The following PAK5 variants were observed in gnomAD, a reference collection of about 807,000 sequenced individuals.
PAK5 encodes serine/threonine-protein kinase PAK 5.
Under a neutral mutation model 65.9 loss-of-function variants are expected in PAK5, and 16 were observed. That is an observed-to-expected ratio of 0.24 (90% CI 0.16 to 0.37). The LOEUF (loss-of-function observed/expected upper bound fraction) is 0.37, where lower values mean the gene tolerates loss of function less well. Among genes scored for constraint, PAK5 ranks in the 10% least tolerant of loss-of-function variants. The probability of loss-of-function intolerance (pLI) is 1.00; values close to 1 mark genes in which losing one functional copy is unlikely to be tolerated. For synonymous variants in PAK5, 371 were observed against 354.9 expected, an observed-to-expected ratio of 1.05 and a Z score of -0.51; for missense variants, 785 against 903.9, an observed-to-expected ratio of 0.87 and a Z score of 1.69.
intron 2 of PAK5, among the ~76,000 whole-genome samples, chr20:9,645,588 C>CTTTTT (rs767530143): frequency 2.1e-5 from 3 of 144,806 alleles, no homozygotes; most frequent in African/African-American, 7.6e-5. Flanking sequence ...TCCTACACTT[C>CTTTTT]TTTTTTTTTT....
chr20:9,539,697 C>A, intron 9 of PAK5, 80 bp from the exon 10 acceptor site: 1 of 1,124,652 alleles, frequency 8.9e-7, no homozygotes. Context: ...CCCATTCATC[C>A]TATCAACAAC....
At chr20:9,610,088 T>C (rs1210489540) in intron 3 of PAK5, among the ~76,000 whole-genome samples, 1 of 152,098 alleles carries the variant, frequency 6.6e-6, no homozygotes, top group Non-Finnish European at 1.5e-5. Context: ...GGTGTGAAGA[T>C]AGATAAAAGC....
chr20:9,773,671 C>T (rs370016541), intron 1 of PAK5, among the ~76,000 whole-genome samples: 2 of 152,270 alleles, frequency 1.3e-5, no homozygotes, highest in East Asian at 1.9e-4. Context: ...AAGTCAAGTC[C>T]GTAGGCATCA....
At chr20:9,661,129 T>C (rs865969078) in intron 2 of PAK5, among the ~76,000 whole-genome samples, 11 of 152,260 alleles carry the variant, frequency 7.2e-5, no homozygotes, top group Middle Eastern at 3.4e-3. Context: ...TTTTTTTCTC[T>C]GAGTGGAATG....
At chr20:9,806,704 T>C (rs1015763192) in intron 1 of PAK5, among the ~76,000 whole-genome samples, 1 of 152,196 alleles carries the variant, frequency 6.6e-6, no homozygotes, top group Non-Finnish European at 1.5e-5. Context: ...ATCCATTAAA[T>C]GAGCCACAGA....
chr20:9,623,235 G>A (rs991985400), intron 3 of PAK5, among the ~76,000 whole-genome samples: 1 of 152,026 alleles, frequency 6.6e-6, no homozygotes, highest in Non-Finnish European at 1.5e-5. Context: ...TATTATTGGG[G>A]GAGTGAGTTG....
At chr20:9,716,013 T>C (rs1016928286) in intron 1 of PAK5, among the ~76,000 whole-genome samples, 1 of 152,118 alleles carries the variant, frequency 6.6e-6, no homozygotes, top group Non-Finnish European at 1.5e-5. Context: ...ACCTGCACAT[T>C]GTGCAGATGT....
chr20:9,802,728 A>G (rs1295822167), intron 1 of PAK5, among the ~76,000 whole-genome samples: 2 of 151,614 alleles, frequency 1.3e-5, no homozygotes, highest in African/African-American at 4.8e-5. Flanking sequence ...TGGGAAAGTT[A>G]GGAGATGTGA....
intron 1 of PAK5, among the ~76,000 whole-genome samples, chr20:9,732,132 C>G (rs959169462): frequency 6.6e-6 from 1 of 152,042 alleles, no homozygotes; most frequent in Non-Finnish European, 1.5e-5. Context: ...TGTAAAACTT[C>G]TAGCCAAAAA....
chr20:9,592,407 AC>A (rs1372981870), intron 3 of PAK5, among the ~76,000 whole-genome samples: 1 of 152,168 alleles, frequency 6.6e-6, no homozygotes, highest in Non-Finnish European at 1.5e-5. Flanking sequence ...AGTACTAGTT[AC>A]CCCTAGGGGA....
At chr20:9,549,435 T>G (rs541303470) in intron 7 of PAK5, among the ~76,000 whole-genome samples, 10 of 152,250 alleles carry the variant, frequency 6.6e-5, no homozygotes, top group African/African-American at 2.4e-4. Context: ...GATTACCATT[T>G]TTAATGAGGT....
intron 1 of PAK5, among the ~76,000 whole-genome samples, chr20:9,738,591 T>C (rs2048417094): frequency 6.6e-6 from 1 of 152,166 alleles, no homozygotes; most frequent in African/African-American, 2.4e-5. Context: ...ATTTCATTTA[T>C]ATAAAATTCT....
chr20:9,704,337 G>A (rs781571548), intron 2 of PAK5, among the ~76,000 whole-genome samples: 14 of 152,034 alleles, frequency 9.2e-5, no homozygotes, highest in Non-Finnish European at 1.3e-4. Flanking sequence ...TTTTCTTTCC[G>A]CAGGTCAAAA....
chr20:9,676,048 A>T (rs6118696), intron 2 of PAK5, among the ~76,000 whole-genome samples: 1 of 152,144 alleles, frequency 6.6e-6, no homozygotes, highest in Admixed American at 6.6e-5. Flanking sequence ...AGAGTTGCAC[A>T]TGGCTGGGGA....
At chr20:9,625,030 A>G (rs947608236) in intron 3 of PAK5, among the ~76,000 whole-genome samples, 4 of 152,176 alleles carry the variant, frequency 2.6e-5, no homozygotes, top group African/African-American at 9.7e-5. Flanking sequence ...GCCATTCATG[A>G]AGGTTAAAAA....
At chr20:9,814,233 TC>T (rs746933916) in intron 1 of PAK5, among the ~76,000 whole-genome samples, 1 of 152,156 alleles carries the variant, frequency 6.6e-6, no homozygotes, top group African/African-American at 2.4e-5. Flanking sequence ...TTTATTTAGA[TC>T]CAAAGTGAGG....
intron 1 of PAK5, among the ~76,000 whole-genome samples, chr20:9,739,245 A>G (rs991706696): frequency 7.5e-6 from 1 of 134,060 alleles, no homozygotes; most frequent in Non-Finnish European, 1.7e-5. Context: ...TTTTTTTTAA[A>G]TCACAGCTTG....
intron 3 of PAK5, among the ~76,000 whole-genome samples, chr20:9,615,335 C>T (rs219859): frequency 0.38 from 58,120 of 152,026 alleles, 12,734 homozygotes; most frequent in South Asian, 0.64. Flanking sequence ...GTGATAATGA[C>T]GTGTCCATGG....
In PAK5 at chr20:9,697,404, A is replaced by G. The variant is rs560838195; in HGVS notation, c.-12+13882T>C. Among the ~76,000 whole-genome samples the G allele has an allele frequency of 2.6e-5, 4 of 152,138 alleles. No homozygotes were observed. In the South Asian group the frequency reaches 8.3e-4, roughly 32 times the overall value. ...TCTCCATGTTGTTTTACCTGCCCCA[A>G]ATATCTCCAAATATGCTATTCCCTG... On this transcript the variant is annotated intron_variant, in intron 2 of 9. Coordinates refer to ENST00000353224, the MANE Select transcript of PAK5 (RefSeq NM_177990.4).
Sources: gnomAD v4.1 joint callset for allele counts (sites outside exome capture counted in the v4.1 genomes callset) on GRCh38, gnomAD v4.1.1 for gene constraint, MANE v1.5 for transcripts, NCBI Gene and HGNC (gene_info 2026-07-23, HGNC 2026-07-21) for gene names.